SPATA13: variants seen among roughly 807,000 people sequenced by gnomAD.
The protein encoded by SPATA13 is spermatogenesis-associated protein 13.
A neutral mutation model predicts 104.0 loss-of-function variants in SPATA13; 50 were observed. That is an observed-to-expected ratio of 0.48 (90% CI 0.38 to 0.61). The LOEUF is 0.61. Among genes scored for constraint, SPATA13 ranks in the 20% least tolerant of loss-of-function variants. SPATA13 has a pLI of 0.00. For synonymous variants in SPATA13, 606 were observed against 667.5 expected, an observed-to-expected ratio of 0.91 and a Z score of 1.42; for missense variants, 1,524 against 1,690.6, an observed-to-expected ratio of 0.90 and a Z score of 1.73.
chr13:24,131,682 G>A (rs1402009621), intron 3 of SPATA13, among the ~76,000 whole-genome samples: 1 of 152,180 alleles, frequency 6.6e-6, no homozygotes, highest in Non-Finnish European at 1.5e-5. Flanking sequence ...CAAATGACTA[G>A]ATTATTGCTC....
chr13:24,168,409 G>A (rs757179328), intron 1 of SPATA13, among the ~76,000 whole-genome samples: 5 of 152,144 alleles, frequency 3.3e-5, no homozygotes, highest in Non-Finnish European at 7.4e-5. Context: ...TTTTGGTTTT[G>A]TTTTGCCCTG....
intron 3 of SPATA13, among the ~76,000 whole-genome samples, chr13:24,082,522 A>G (rs1352714708): frequency 6.6e-6 from 1 of 152,192 alleles, no homozygotes; most frequent in Non-Finnish European, 1.5e-5. Context: ...TACAGCCAAA[A>G]TAAAAATAAG....
rs986123060 is a variant in SPATA13 at position 24,161,807 on chromosome 13, T to C, written c.-112+875T>C. Among the ~76,000 whole-genome samples, 1 of 152,238 alleles carries C rather than the reference T, an allele frequency of 6.6e-6. No individual in the cohort carries two copies. Among genetic ancestry groups the C allele is most frequent in the Non-Finnish European group, 1.5e-5 (1 of 68,044 alleles). On this transcript the variant is annotated intron_variant, in intron 1 of 12. Transcript: ENST00000382108. This position sits in a 1 kb window ranked among gnomAD's most constrained non-coding sequence, Gnocchi z 4.5. ...TGAATTTATTCAGCTCTTGTTCCCATGGCTTCCCATAGCCTTATATTATGC... is the reference window on the plus strand; with the variant it reads ...TGAATTTATTCAGCTCTTGTTCCCACGGCTTCCCATAGCCTTATATTATGC...
intron 3 of SPATA13, among the ~76,000 whole-genome samples, chr13:24,152,966 A>G (rs1882146922): frequency 6.6e-6 from 1 of 152,376 alleles, no homozygotes; most frequent in African/African-American, 2.4e-5. Context: ...AGTACACCCA[A>G]TACACAGCGT....
At chr13:24,184,778 A>G (rs567135371) in intron 1 of SPATA13, among the ~76,000 whole-genome samples, 4 of 152,322 alleles carry the variant, frequency 2.6e-5, no homozygotes, top group African/African-American at 9.6e-5. Flanking sequence ...TGGTGACATT[A>G]TGAAGACTTG....
At chr13:24,153,749 C>T (rs1462889123) in intron 3 of SPATA13, among the ~76,000 whole-genome samples, 4 of 152,136 alleles carry the variant, frequency 2.6e-5, no homozygotes, top group African/African-American at 4.8e-5. Flanking sequence ...AAGAGGAGGT[C>T]ATTTTGAAAT....
chr13:24,009,595 A>G (rs1383552274), intron 2 of SPATA13, among the ~76,000 whole-genome samples: 1 of 152,054 alleles, frequency 6.6e-6, no homozygotes, highest in Non-Finnish European at 1.5e-5. Context: ...AGATTTTAAA[A>G]TTTTCTGAAT....
chr13:24,204,428 G>C (rs543608796), intron 1 of SPATA13, among the ~76,000 whole-genome samples: 1 of 152,026 alleles, frequency 6.6e-6, no homozygotes, highest in African/African-American at 2.4e-5. Context: ...TTAAATTTTA[G>C]TAAAATAGGT....
intron 3 of SPATA13, among the ~76,000 whole-genome samples, chr13:24,117,041 C>T (rs1880869936): frequency 6.6e-6 from 1 of 152,164 alleles, no homozygotes; most frequent in South Asian, 2.1e-4. Context: ...AAGTTAATGT[C>T]TATTATTTAA....
At chr13:24,255,031 C>T (rs1873714596) in intron 4 of SPATA13, among the ~76,000 whole-genome samples, 1 of 152,142 alleles carries the variant, frequency 6.6e-6, no homozygotes, top group Non-Finnish European at 1.5e-5. Context: ...CATCCTCAGC[C>T]CATCTTGTTC....
chr13:24,183,451 G>T (rs1414357142), intron 1 of SPATA13, among the ~76,000 whole-genome samples: 4 of 152,214 alleles, frequency 2.6e-5, no homozygotes, highest in Admixed American at 2.6e-4. Context: ...TTTCTATGTT[G>T]TAAGTTTTCC....
chr13:24,106,053 T>C (rs1880438087), intron 3 of SPATA13, among the ~76,000 whole-genome samples: 1 of 152,150 alleles, frequency 6.6e-6, no homozygotes, highest in Non-Finnish European at 1.5e-5. Flanking sequence ...GAAGATTTCT[T>C]TTATTTTCTT....
chr13:24,079,330 T>G (rs1879432069), intron 3 of SPATA13, among the ~76,000 whole-genome samples: 1 of 152,180 alleles, frequency 6.6e-6, no homozygotes, highest in Non-Finnish European at 1.5e-5. Context: ...AACTGTTGAA[T>G]GAGGTGAAAC....
intron 3 of SPATA13, among the ~76,000 whole-genome samples, chr13:24,029,384 G>A (rs12428476): frequency 0.24 from 35,826 of 152,126 alleles, 4,486 homozygotes; most frequent in Admixed American, 0.28. Context: ...CAAATAGTGT[G>A]AAATCAAGAC....
chr13:24,058,775 C>G (rs1016940894), intron 3 of SPATA13, among the ~76,000 whole-genome samples: 1 of 151,846 alleles, frequency 6.6e-6, no homozygotes, highest in Non-Finnish European at 1.5e-5. Flanking sequence ...TATAGATTCA[C>G]TGGTTAACCT....
At chr13:24,027,856 C>T (rs949524145) in intron 3 of SPATA13, among the ~76,000 whole-genome samples, 4 of 151,182 alleles carry the variant, frequency 2.6e-5, no homozygotes, top group African/African-American at 7.3e-5. Flanking sequence ...AGTGCCCTTC[C>T]TGCCTGCTTG....
intron 2 of SPATA13, among the ~76,000 whole-genome samples, chr13:24,242,320 GGAGAAATAGCCCA>G (rs1206365761): frequency 6.6e-6 from 1 of 152,176 alleles, no homozygotes; most frequent in Non-Finnish European, 1.5e-5. Flanking sequence ...ATGGATGAAT[GGAGAAATAGCCCA>G]GAGAAATACA....
intron 2 of SPATA13, among the ~76,000 whole-genome samples, chr13:24,012,405 G>A (rs1876512619): frequency 6.6e-6 from 1 of 152,244 alleles, no homozygotes; most frequent in Non-Finnish European, 1.5e-5. Flanking sequence ...TCAGTATCTT[G>A]AGAAGTACAC....
intron 12 of SPATA13, among the ~76,000 whole-genome samples, chr13:24,302,223 G>T (rs891331218): frequency 6.6e-6 from 1 of 152,028 alleles, no homozygotes; most frequent in Non-Finnish European, 1.5e-5. Context: ...CGCTCCACAC[G>T]GAGTACCTGA....
Sources: allele counts gnomAD v4.1 joint callset (sites outside exome capture counted in the v4.1 genomes callset), GRCh38; gene constraint gnomAD v4.1.1; non-coding constraint Gnocchi (gnomAD v3.1); transcripts MANE v1.5; gene names NCBI Gene and HGNC (gene_info 2026-07-23, HGNC 2026-07-21).